The following LEF1 variants were observed in gnomAD, a reference collection of about 807,000 sequenced individuals.
LEF1 encodes the protein lymphoid enhancer-binding factor 1.
LEF1 carries 14 observed loss-of-function variants against 51.2 expected under a neutral mutation model. The observed-to-expected ratio is 0.27, with a 90% CI of 0.18 to 0.43. The LOEUF (loss-of-function observed/expected upper bound fraction) is 0.43. LEF1 is among the 20% of genes least tolerant of loss of function. LEF1 has a pLI of 1.00. For missense variants in LEF1, 386 were observed against 512.0 expected (o/e 0.75, Z 2.37); for synonymous variants, 185 against 183.2 (o/e 1.01, Z -0.08).
At chr4:108,138,581 A>G (rs1197892986) in intron 3 of LEF1, among the ~76,000 whole-genome samples, 1 of 152,222 alleles carries the variant, frequency 6.6e-6, no homozygotes. Flanking sequence ...AAGGGGGCTT[A>G]GGAACAGCAA....
At chr4:108,163,446 A>T in intron 3 of LEF1, 122 bp downstream of exon 3, 1 of 1,038,232 alleles carries the variant, frequency 9.6e-7, no homozygotes. Context: ...GCTCTTATTT[A>T]GCAACGACTA....
At chr4:108,111,098 G>A (rs576583081) in intron 3 of LEF1, among the ~76,000 whole-genome samples, 4 of 152,208 alleles carry the variant, frequency 2.6e-5, no homozygotes, top group Non-Finnish European at 4.4e-5. Flanking sequence ...TATTTCCATA[G>A]GATACACCAA....
chr4:108,114,929 G>C (rs759236999), intron 3 of LEF1, among the ~76,000 whole-genome samples: 1 of 152,242 alleles, frequency 6.6e-6, no homozygotes, highest in South Asian at 2.1e-4. Flanking sequence ...TATGGGGCTC[G>C]AGGAGGGCAG....
chr4:108,060,511 T>TGGCCTCATTCCTGGGC, intron 11 of LEF1, among the ~76,000 whole-genome samples: 1 of 152,170 alleles, frequency 6.6e-6, no homozygotes, highest in Middle Eastern at 3.4e-3. Context: ...GGAGACTGGG[T>TGGCCTCATTCCTGGGC]GGCCTCATTC....
At chr4:108,153,200 C>T (rs144870056) in intron 3 of LEF1, among the ~76,000 whole-genome samples, 1 of 152,302 alleles carries the variant, frequency 6.6e-6, no homozygotes, top group Non-Finnish European at 1.5e-5. Flanking sequence ...ACAGACTGAC[C>T]CTTTGTTCTC....
At chr4:108,056,414 C>G (rs1737303957) in intron 11 of LEF1, among the ~76,000 whole-genome samples, 1 of 152,228 alleles carries the variant, frequency 6.6e-6, no homozygotes, top group African/African-American at 2.4e-5. Context: ...TTTCCCCTTT[C>G]TCCTTAAGTG....
At chr4:108,063,485 G>C (rs1737838748) in intron 11 of LEF1, 138 bp downstream of exon 11, 2 of 697,334 alleles carry the variant, frequency 2.9e-6, no homozygotes, top group Non-Finnish European at 5.1e-6. Flanking sequence ...ATTTTTTAAA[G>C]CACTAATTTG....
At chr4:108,071,885 C>T (rs1560767841) in intron 8 of LEF1, 1 of 152,546 alleles carries the variant, frequency 6.6e-6, no homozygotes, top group African/African-American at 2.4e-5. Context: ...ACACACCCCA[C>T]TCACATGCTC....
intron 2 of LEF1, 129 bp from the exon 3 acceptor site, chr4:108,163,830 G>A (rs1397567266): frequency 3.3e-6 from 3 of 908,914 alleles, no homozygotes. Flanking sequence ...ACAAAATACT[G>A]TAACTGGATT....
intron 3 of LEF1, among the ~76,000 whole-genome samples, chr4:108,117,791 A>G (rs1377037056): frequency 3.3e-5 from 5 of 152,252 alleles, no homozygotes; most frequent in Admixed American, 3.3e-4. Context: ...CAGCCTCTGC[A>G]GGGTGACTGG....
chr4:108,091,315 TA>T (rs981556107), intron 3 of LEF1, among the ~76,000 whole-genome samples: 2 of 151,890 alleles, frequency 1.3e-5, no homozygotes, highest in African/African-American at 4.8e-5. Context: ...AAATTAGCCA[TA>T]AAAAATATGT....
intron 3 of LEF1, among the ~76,000 whole-genome samples, chr4:108,153,823 T>A (rs1453478707): frequency 1.3e-5 from 2 of 152,238 alleles, no homozygotes; most frequent in African/African-American, 4.8e-5. Context: ...TTAAAAATGA[T>A]GTTACAGAAG....
At chr4:108,148,154 A>G (rs905357875) in intron 3 of LEF1, among the ~76,000 whole-genome samples, 8 of 152,200 alleles carry the variant, frequency 5.3e-5, no homozygotes, top group East Asian at 3.9e-4. Flanking sequence ...CTTACCAACC[A>G]TCAGTTAACT....
intron 3 of LEF1, among the ~76,000 whole-genome samples, chr4:108,124,779 G>A (rs552498470): frequency 1.3e-5 from 2 of 152,214 alleles, no homozygotes; most frequent in East Asian, 3.8e-4. Flanking sequence ...CTTTAAGATT[G>A]CAGAGCTTTT....
rs115869963 is a variant in LEF1, at chr4:108,140,525, G to A, written c.414+23043C>T. 8.7e-3 allele frequency among the ~76,000 whole-genome samples: 1,322 copies of A among 152,204 alleles called. 10 individuals carry two copies. The highest frequency in any genetic ancestry group is 0.014 in the Non-Finnish European group (975 of 68,010). The stretch of plus-strand genomic sequence containing the variant: ...ATCTGTAACTCAAAGCAGCTCTCAC[G>A]CCTCTGATGTCTAAGCTGGAGCAGC... On this transcript the variant is annotated intron_variant, in intron 3 of 11. Coordinates refer to ENST00000265165, the MANE Select transcript of LEF1 (RefSeq NM_016269.5).
intron 1 of LEF1, chr4:108,166,449 C>G: frequency 7.1e-7 from 1 of 1,401,820 alleles, no homozygotes; most frequent in South Asian, 1.6e-5. Flanking sequence ...TTGGTTAAAT[C>G]ATTCGGGTGT....
At chr4:108,122,644 A>ATTTATT (rs1327425155) in intron 3 of LEF1, among the ~76,000 whole-genome samples, 1 of 151,982 alleles carries the variant, frequency 6.6e-6, no homozygotes, top group African/African-American at 2.4e-5. Context: ...TGCCCAGCTA[A>ATTTATT]TTTATTTTTA....
chr4:108,135,953 G>A (rs974785812), intron 3 of LEF1, among the ~76,000 whole-genome samples: 6 of 152,004 alleles, frequency 3.9e-5, no homozygotes, highest in African/African-American at 1.5e-4. Flanking sequence ...CTTCTTCCTT[G>A]CCCATACATG....
intron 3 of LEF1, among the ~76,000 whole-genome samples, chr4:108,150,635 A>C (rs931136269): frequency 6.6e-6 from 1 of 152,158 alleles, no homozygotes; most frequent in Non-Finnish European, 1.5e-5. Context: ...TGAGAGATGA[A>C]CTGATTTATG....
Sources: gnomAD v4.1 joint callset for allele counts (sites outside exome capture counted in the v4.1 genomes callset) on GRCh38, gnomAD v4.1.1 for gene constraint, MANE v1.5 for transcripts, NCBI Gene and HGNC (gene_info 2026-07-23, HGNC 2026-07-21) for gene names.